RFC3: variants seen among roughly 807,000 people sequenced by gnomAD.
The protein encoded by RFC3 is A1 38 kDa subunit.
A neutral mutation model predicts 45.1 loss-of-function variants in RFC3; 41 were observed. The observed-to-expected ratio is 0.91, with a 90% confidence interval of 0.71 to 1.18. The LOEUF (loss-of-function observed/expected upper bound fraction) is 1.18. Among genes scored for constraint, RFC3 ranks in the 50% most tolerant of loss-of-function variants. The probability of loss-of-function intolerance (pLI) is 0.00; values close to 1 mark genes in which losing one functional copy is unlikely to be tolerated. For missense variants in RFC3, 423 were observed against 428.1 expected (o/e 0.99, Z 0.10); for synonymous variants, 149 against 144.0 (o/e 1.03, Z -0.25).
intron 8 of RFC3, among the ~76,000 whole-genome samples, chr13:33,935,821 T>C (rs1237667893): frequency 6.6e-6 from 1 of 152,198 alleles, no homozygotes; most frequent in African/African-American, 2.4e-5. Flanking sequence ...CAATCAACAA[T>C]GTCTTAAGAA....
chr13:33,830,445 T>A (rs574370140), intron 5 of RFC3, among the ~76,000 whole-genome samples: 2 of 152,286 alleles, frequency 1.3e-5, no homozygotes, highest in South Asian at 4.1e-4. Context: ...ATAGATATAT[T>A]TTTTTCTCCA....
intron 8 of RFC3, among the ~76,000 whole-genome samples, chr13:33,933,569 G>C (rs2082865969): frequency 6.6e-6 from 1 of 152,052 alleles, no homozygotes; most frequent in South Asian, 2.1e-4. Context: ...CTGTCTCCGT[G>C]TAACAAAGAT....
At chr13:33,875,462 C>T (rs891003283) in intron 8 of RFC3, among the ~76,000 whole-genome samples, 13 of 152,132 alleles carry the variant, frequency 8.5e-5, no homozygotes, top group African/African-American at 3.1e-4. Context: ...AAACTTGGTC[C>T]TTTAAATAAA....
intron 8 of RFC3, among the ~76,000 whole-genome samples, chr13:33,919,262 T>C (rs974483230): frequency 1.3e-5 from 2 of 152,146 alleles, no homozygotes; most frequent in Non-Finnish European, 2.9e-5. Context: ...TTAGAAGACA[T>C]GTATTTGACT....
intron 8 of RFC3, among the ~76,000 whole-genome samples, chr13:33,933,233 G>C (rs2082863678): frequency 6.6e-6 from 1 of 152,088 alleles, no homozygotes; most frequent in Admixed American, 6.6e-5. Context: ...ATGGACCTCA[G>C]TTGCAATTTT....
rs1203798838 is a variant in RFC3 at position 33,882,335 on chromosome 13, A to G, written c.879+47118A>G. 2.6e-5 allele frequency among the ~76,000 whole-genome samples: 4 copies of G among 151,524 alleles called. No individual in the cohort carries two copies. In the East Asian group the frequency reaches 7.8e-4, roughly 29 times the overall value. ...CTTTATCACACGTGTAGATTCATGT[A>G]ACTTCCACCATAGTCAGGACGCATA... On this transcript the variant is annotated intron_variant, in intron 8 of 8. Coordinates refer to the RFC3 transcript ENST00000434425.
At chr13:33,832,708 T>C (rs2082115848) in intron 7 of RFC3, among the ~76,000 whole-genome samples, 1 of 152,178 alleles carries the variant, frequency 6.6e-6, no homozygotes, top group South Asian at 2.1e-4. Context: ...TAAAGAGACC[T>C]CACCCTTTAA....
At chr13:33,846,513 C>G (rs868130207) in intron 8 of RFC3, 2 of 152,262 alleles carry the variant, frequency 1.3e-5, no homozygotes, top group African/African-American at 4.8e-5. Context: ...CTTCCCTCCC[C>G]TCTCCTCAAG....
chr13:33,918,689 G>A (rs2082748561), intron 8 of RFC3, among the ~76,000 whole-genome samples: 1 of 152,010 alleles, frequency 6.6e-6, no homozygotes, highest in South Asian at 2.1e-4. Context: ...AACAGTGGAG[G>A]GCATTGCGAC....
intron 8 of RFC3, among the ~76,000 whole-genome samples, chr13:33,887,352 T>C (rs1349574315): frequency 1.3e-5 from 2 of 151,632 alleles, no homozygotes; most frequent in East Asian, 1.9e-4. Context: ...TGGTATCTCA[T>C]TGTGGTTTTG....
chr13:33,844,495 A>AT (rs1388333871), intron 8 of RFC3, among the ~76,000 whole-genome samples: 2 of 143,136 alleles, frequency 1.4e-5, no homozygotes, highest in Non-Finnish European at 3.1e-5. Context: ...TGCTTACGTG[A>AT]TTTTCTCAGT....
intron 8 of RFC3, among the ~76,000 whole-genome samples, chr13:33,937,683 T>A (rs1040751733): frequency 5.3e-5 from 8 of 152,130 alleles, no homozygotes; most frequent in African/African-American, 1.9e-4. Context: ...AACTTAGAAA[T>A]GAGTTTTGAA....
At chr13:33,960,556 G>A (rs956226847) in intron 8 of RFC3, among the ~76,000 whole-genome samples, 2 of 152,192 alleles carry the variant, frequency 1.3e-5, no homozygotes, top group African/African-American at 2.4e-5. Flanking sequence ...CAAGGACTGG[G>A]CATCCTTCAT....
chr13:33,866,815 G>A (rs1197271268), intron 8 of RFC3, among the ~76,000 whole-genome samples: 1 of 152,148 alleles, frequency 6.6e-6, no homozygotes, highest in Non-Finnish European at 1.5e-5. Context: ...TTCCACTAAG[G>A]CCTACCAGGA....
intron 8 of RFC3, among the ~76,000 whole-genome samples, chr13:33,924,560 T>C (rs1427939362): frequency 6.6e-6 from 1 of 151,556 alleles, no homozygotes; most frequent in Non-Finnish European, 1.5e-5. Flanking sequence ...TATAAAAAGT[T>C]TGCTTCATCA....
chr13:33,934,047 G>A (rs113621909), intron 8 of RFC3, among the ~76,000 whole-genome samples: 12 of 152,020 alleles, frequency 7.9e-5, no homozygotes, highest in African/African-American at 2.9e-4. Flanking sequence ...GAAATTAAAT[G>A]TTTAATAATA....
intron 8 of RFC3, among the ~76,000 whole-genome samples, chr13:33,956,790 G>C (rs548554523): frequency 6.6e-6 from 1 of 152,294 alleles, no homozygotes; most frequent in South Asian, 2.1e-4. Flanking sequence ...CATATGTCCT[G>C]ATAATCAAAT....
intron 8 of RFC3, among the ~76,000 whole-genome samples, chr13:33,928,779 G>C (rs1326801755): frequency 6.6e-6 from 1 of 151,714 alleles, no homozygotes; most frequent in Non-Finnish European, 1.5e-5. Context: ...AGTGAACTAG[G>C]CAGGTATATG....
At chr13:33,976,731 G>T in the RFC3 span, among the ~76,000 whole-genome samples, 4 of 151,998 alleles carry the variant, frequency 2.6e-5, no homozygotes, top group Non-Finnish European at 5.9e-5. Flanking sequence ...AATAAAAGGG[G>T]GTGAGGAAAT....
Sources: gnomAD v4.1 joint callset for allele counts (sites outside exome capture counted in the v4.1 genomes callset) on GRCh38, gnomAD v4.1.1 for gene constraint, MANE v1.5 for transcripts, NCBI Gene and HGNC (gene_info 2026-07-23, HGNC 2026-07-21) for gene names.